Variants in DMD observed in about 807,000 individuals in gnomAD.
The protein encoded by DMD is dystrophin, also known as mutant dystrophin.
A neutral mutation model predicts 330.1 loss-of-function variants in DMD; 63 were observed. The ratio of observed to expected loss-of-function variants is 0.19; its 90% CI spans 0.16 to 0.24. DMD has a LOEUF of 0.24. Ranked by LOEUF, DMD falls within the 10% of genes least tolerant of loss-of-function variation. DMD has a pLI of 1.00. For missense variants in DMD, 3,344 were observed against 2,684.1 expected (o/e 1.25, Z -5.43); for synonymous variants, 1,223 against 959.8 (o/e 1.27, Z -5.07).
At chrX:32,541,126 C>A (rs750216238) in intron 17 of DMD, among the ~76,000 whole-genome samples, 1 of 111,535 alleles carries the variant, frequency 9.0e-6, no homozygotes, top group African/African-American at 3.3e-5. Flanking sequence ...GAAAAATTCA[C>A]AGAACTAGAG....
At chrX:32,280,184 T>C (rs1297536752) in intron 43 of DMD, among the ~76,000 whole-genome samples, 9 of 25,149 alleles carry the variant, frequency 3.6e-4, no homozygotes, top group African/African-American at 6.4e-4. Context: ...TATATATATA[T>C]ATACACACTA....
At chrX:32,082,297 C>T (rs5972487) in intron 44 of DMD, among the ~76,000 whole-genome samples, 39,832 of 109,906 alleles carry the variant, frequency 0.36, 5,943 homozygotes, top group African/African-American at 0.57. Context: ...GGAGGGAGCA[C>T]AGCTCACCAT....
intron 44 of DMD, among the ~76,000 whole-genome samples, chrX:32,167,403 A>T (rs1457405154): frequency 9.0e-6 from 1 of 111,638 alleles, no homozygotes; most frequent in East Asian, 2.8e-4. Flanking sequence ...TACCTTTGTG[A>T]TGTTGGTCCA....
chrX:31,921,952 A>C (rs751483495), intron 47 of DMD, among the ~76,000 whole-genome samples: 1 of 111,893 alleles, frequency 8.9e-6, no homozygotes, highest in Non-Finnish European at 1.9e-5. Context: ...ATTATAGTAC[A>C]TACTGGTTTC....
At chrX:32,631,229 G>T (rs1323270672) in intron 11 of DMD, among the ~76,000 whole-genome samples, 1 of 111,442 alleles carries the variant, frequency 9.0e-6, no homozygotes, top group Non-Finnish European at 1.9e-5. Context: ...AAGGAGAGGT[G>T]ACACAAGCAC....
At position 32,386,482 on chromosome X, in the gene DMD, A is replaced by G; in HGVS notation, c.4519-17T>C. The G allele has an allele frequency of 8.6e-7, 1 of 1,165,349 alleles. No homozygotes were observed. On this transcript the variant is annotated splice_polypyrimidine_tract_variant and intron_variant, in intron 32 of 78. Transcript: ENST00000357033. ...ATACAAGTTCTAAGTTTAAACATAA[A>G]ACAAAACATGATAATCAGTAGAGTT...
intron 2 of DMD, among the ~76,000 whole-genome samples, chrX:33,015,367 A>G (rs12835159): frequency 0.035 from 3,915 of 111,186 alleles, 126 homozygotes; most frequent in East Asian, 0.2. Flanking sequence ...TTGCAGGGAC[A>G]TGGATGGAGT....
chrX:31,593,265 A>G (rs771571735), intron 55 of DMD, among the ~76,000 whole-genome samples: 1 of 111,310 alleles, frequency 9.0e-6, no homozygotes, highest in African/African-American at 3.2e-5. Flanking sequence ...GGTAGCTGGT[A>G]AAGACTTGGA....
intron 62 of DMD, among the ~76,000 whole-genome samples, chrX:31,317,670 C>A (rs1224917224): frequency 9.1e-6 from 1 of 109,809 alleles, no homozygotes; most frequent in African/African-American, 3.3e-5. Context: ...CGCCACCACG[C>A]CCAGCTAATT....
intron 55 of DMD, among the ~76,000 whole-genome samples, chrX:31,622,564 A>G (rs2078593337): frequency 9.1e-6 from 1 of 110,168 alleles, no homozygotes; most frequent in Admixed American, 9.8e-5. Context: ...AGGAAGTGTC[A>G]TCAGAGCTCT....
At chrX:31,577,550 T>C (rs2076161792) in intron 55 of DMD, among the ~76,000 whole-genome samples, 1 of 112,414 alleles carries the variant, frequency 8.9e-6, no homozygotes, top group Admixed American at 9.4e-5. Flanking sequence ...CACAGCAGCT[T>C]GTCTGGACTT....
intron 11 of DMD, among the ~76,000 whole-genome samples, chrX:32,631,994 A>G (rs184452948): frequency 9.0e-6 from 1 of 111,503 alleles, no homozygotes; most frequent in Non-Finnish European, 1.9e-5. Context: ...TTATTCCAGA[A>G]TTAACTCAAA....
intron 11 of DMD, among the ~76,000 whole-genome samples, chrX:32,638,740 CTTAAT>C (rs1285993156): frequency 8.9e-6 from 1 of 111,977 alleles, no homozygotes; most frequent in Non-Finnish European, 1.9e-5. Context: ...ACCTGAATAA[CTTAAT>C]TTAGTTGTTC....
intron 13 of DMD, among the ~76,000 whole-genome samples, chrX:32,584,123 G>T (rs1297136110): frequency 5.4e-5 from 6 of 111,087 alleles, no homozygotes. Flanking sequence ...AGAAAATCCA[G>T]TAGAAAAACA....
intron 1 of DMD, among the ~76,000 whole-genome samples, chrX:33,202,283 C>T (rs1292278444): frequency 9.0e-6 from 1 of 111,580 alleles, no homozygotes; most frequent in East Asian, 2.8e-4. Context: ...GGTTAAGAAT[C>T]TTTAATCCTA....
chrX:33,235,916 ATTTTT>A (rs1210743904), intron 1 of DMD, among the ~76,000 whole-genome samples: 10 of 87,108 alleles, frequency 1.1e-4, no homozygotes, highest in African/African-American at 4.1e-4. Flanking sequence ...TATTATTATT[ATTTTT>A]TTTTTTTTTT....
chrX:31,964,338 C>T (rs2095333222), intron 45 of DMD, among the ~76,000 whole-genome samples: 1 of 111,102 alleles, frequency 9.0e-6, no homozygotes, highest in Non-Finnish European at 1.9e-5. Context: ...ATAATAATAA[C>T]CAAATGTAAT....
chrX:32,389,086 T>C (rs2097981961), intron 32 of DMD, among the ~76,000 whole-genome samples: 1 of 111,578 alleles, frequency 9.0e-6, no homozygotes, highest in Admixed American at 9.6e-5. Flanking sequence ...CCTTAAATTC[T>C]CTCAGGTAAT....
intron 43 of DMD, among the ~76,000 whole-genome samples, chrX:32,233,571 A>G (rs1259930566): frequency 9.1e-6 from 1 of 110,371 alleles, no homozygotes; most frequent in Non-Finnish European, 1.9e-5. Context: ...AGCATTCCCA[A>G]TCCACTTCCT....
Sources: gnomAD v4.1 joint callset for allele counts (sites outside exome capture counted in the v4.1 genomes callset) on GRCh38, gnomAD v4.1.1 for gene constraint, MANE v1.5 for transcripts, NCBI Gene and HGNC (gene_info 2026-07-23, HGNC 2026-07-21) for gene names.